The following CATSPERE variants were observed in gnomAD, a reference collection of about 807,000 sequenced individuals.
The protein encoded by CATSPERE is catsper channel auxiliary subunit epsilon.
In CATSPERE, 93 loss-of-function variants were observed where a neutral mutation model predicts 114.1. That is an observed-to-expected ratio of 0.81 (90% CI 0.69 to 0.97). The LOEUF (loss-of-function observed/expected upper bound fraction) is 0.97. Ranked by LOEUF, CATSPERE falls within the 50% of genes least tolerant of loss-of-function variation. CATSPERE has a pLI of 0.00. For synonymous variants in CATSPERE, 341 were observed against 384.1 expected (o/e 0.89, Z 1.31); for missense variants, 1,058 against 1,131.6 (o/e 0.93, Z 0.93).
chr1:244,451,985 C>G (rs1377404325), upstream of CATSPERE: 1 of 632,646 alleles, frequency 1.6e-6, no homozygotes. The surrounding 1 kb of genome is among the most constrained non-coding windows in gnomAD (Gnocchi z 6.6). Context: ...GCCCCGCTCT[C>G]CGCCACAGCC....
At chr1:244,561,687 A>T (rs1317264680) in intron 10 of CATSPERE, among the ~76,000 whole-genome samples, 1 of 147,084 alleles carries the variant, frequency 6.8e-6, no homozygotes, top group Non-Finnish European at 1.5e-5. Context: ...AGTTAGAATC[A>T]TACATTGGGG....
At chr1:244,519,763 T>G (rs1411216302) in intron 8 of CATSPERE, among the ~76,000 whole-genome samples, 1 of 152,174 alleles carries the variant, frequency 6.6e-6, no homozygotes, top group Non-Finnish European at 1.5e-5. Context: ...CAAACTATTG[T>G]AAAATAAAAA....
intron 20 of CATSPERE, among the ~76,000 whole-genome samples, chr1:244,635,068 C>G (rs1674454441): frequency 6.6e-6 from 1 of 152,242 alleles, no homozygotes; most frequent in Admixed American, 6.5e-5. Flanking sequence ...CAGTCTCAAA[C>G]TCCTGACCTC....
chr1:244,472,158 A>G (rs1668580352), intron 2 of CATSPERE, among the ~76,000 whole-genome samples: 1 of 152,116 alleles, frequency 6.6e-6, no homozygotes, highest in Non-Finnish European at 1.5e-5. Context: ...ACAAGGTCTT[A>G]CTATGTTGCC....
chr1:244,551,968 G>T (rs777174404), intron 8 of CATSPERE, among the ~76,000 whole-genome samples: 19 of 144,934 alleles, frequency 1.3e-4, no homozygotes, highest in African/African-American at 2.5e-4. Flanking sequence ...GGAGGTTGAG[G>T]CAGGAGAATG....
Position 244,504,566 on chromosome 1 carries a change from T to C in CATSPERE, c.429+5487T>C, listed in dbSNP as rs1240186202. Among the ~76,000 whole-genome samples, 1 of 152,248 alleles carries C rather than the reference T, an allele frequency of 6.6e-6. No individual in the cohort carries two copies. The highest frequency in any genetic ancestry group is 1.5e-5 in the Non-Finnish European group (1 of 68,044). On this transcript the variant is annotated intron_variant, in intron 7 of 21. Coordinates refer to ENST00000366534, the MANE Select transcript of CATSPERE (RefSeq NM_001130957.2). This position sits in a 1 kb window ranked among gnomAD's most constrained non-coding sequence, Gnocchi z 4.1. ...TAGTTGTCTTGTCTCTTTACGTTCT[T>C]AATTGTGACAGTTTCTAGACTTTCA...
intron 20 of CATSPERE, among the ~76,000 whole-genome samples, chr1:244,627,251 C>T (rs562489529): frequency 6.6e-6 from 1 of 152,134 alleles, no homozygotes; most frequent in South Asian, 2.1e-4. Flanking sequence ...CACCAGGACA[C>T]TTTCAATAGT....
chr1:244,536,821 T>C (rs1279087364), intron 8 of CATSPERE, among the ~76,000 whole-genome samples: 1 of 152,242 alleles, frequency 6.6e-6, no homozygotes, highest in Non-Finnish European at 1.5e-5. Flanking sequence ...TGGTGGAGGC[T>C]TCTATTCACT....
intron 8 of CATSPERE, among the ~76,000 whole-genome samples, chr1:244,534,741 T>C (rs1680119803): frequency 6.6e-6 from 1 of 152,228 alleles, no homozygotes; most frequent in African/African-American, 2.4e-5. Context: ...AGACCACATA[T>C]CTCTTTCTCT....
intron 17 of CATSPERE, among the ~76,000 whole-genome samples, chr1:244,604,690 A>AG (rs1285649685): frequency 1.3e-5 from 2 of 152,244 alleles, no homozygotes; most frequent in Non-Finnish European, 2.9e-5. Context: ...TCATTCAGAA[A>AG]TATGGGAGTA....
chr1:244,570,136 A>G (rs543030079), intron 10 of CATSPERE, among the ~76,000 whole-genome samples: 1 of 152,232 alleles, frequency 6.6e-6, no homozygotes, highest in South Asian at 2.1e-4. Context: ...TAATTGATCT[A>G]TTCTAATATT....
At chr1:244,594,862 C>T (rs1668184199) in intron 17 of CATSPERE, among the ~76,000 whole-genome samples, 1 of 152,144 alleles carries the variant, frequency 6.6e-6, no homozygotes, top group South Asian at 2.1e-4. Flanking sequence ...ACCATGTGCC[C>T]TTTCCATCTT....
chr1:244,594,737 T>C (rs1170104693), intron 17 of CATSPERE, among the ~76,000 whole-genome samples: 1 of 152,168 alleles, frequency 6.6e-6, no homozygotes, highest in African/African-American at 2.4e-5. Context: ...ATAGAAGTAA[T>C]GAATCAGACG....
At chr1:244,513,027 A>T (rs1261779662) in intron 7 of CATSPERE, among the ~76,000 whole-genome samples, 1 of 152,210 alleles carries the variant, frequency 6.6e-6, no homozygotes, top group African/African-American at 2.4e-5. Flanking sequence ...GGGCACTAGT[A>T]GTAGCAGGTC....
chr1:244,528,774 A>G, intron 8 of CATSPERE, among the ~76,000 whole-genome samples: 1 of 135,460 alleles, frequency 7.4e-6, no homozygotes, highest in African/African-American at 3.2e-5. Context: ...CTCCCCCACA[A>G]CAATCCCCCA....
chr1:244,627,201 T>G (rs954405871), intron 20 of CATSPERE, among the ~76,000 whole-genome samples: 2 of 152,108 alleles, frequency 1.3e-5, no homozygotes, highest in African/African-American at 2.4e-5. Context: ...TACGTAACAT[T>G]GATTAAGTCC....
In CATSPERE at chr1:244,560,965, G is replaced by T; in HGVS notation, c.1327G>T (p.Asp443Tyr). ...SQDFTLDAPI[D>Y]SVTMPHFTFS... is the part of the protein sequence containing the mutation. ...AGACTTTACATTAGATGCCCCTATTGACAGTGTTACCATGCCACATTTTAC... is the reference window on the plus strand; with the variant it reads ...AGACTTTACATTAGATGCCCCTATTTACAGTGTTACCATGCCACATTTTAC... Residue 443 changes from aspartate (D) to tyrosine (Y), a missense_variant, in exon 10 of 22, where the codon GAC becomes TAC. Transcript: ENST00000366534. 1 of 1,614,066 alleles carries T rather than the reference G, an allele frequency of 6.2e-7. No homozygotes were observed. Among genetic ancestry groups the T allele is most frequent in the Non-Finnish European group, 8.5e-7 (1 of 1,179,974 alleles).
At position 244,504,920 on chromosome 1, in the gene CATSPERE, A is replaced by G. The variant is rs1259859875; in HGVS notation, c.429+5841A>G. Among the ~76,000 whole-genome samples, 2 of 152,214 alleles carry G rather than the reference A, an allele frequency of 1.3e-5. No homozygotes were observed. Among genetic ancestry groups the G allele is most frequent in the Non-Finnish European group, 2.9e-5 (2 of 68,036 alleles). ...CAGTTATACTTTACCTTCTTAAGGA[A>G]AGGAGTATCTACATAAATATTTTTG... On this transcript the variant is annotated intron_variant, in intron 7 of 21. Coordinates refer to ENST00000366534, the MANE Select transcript of CATSPERE (RefSeq NM_001130957.2). The surrounding 1 kb of genome is among the most constrained non-coding windows in gnomAD (Gnocchi z 4.1).
chr1:244,501,874 C>G (rs983754403), intron 7 of CATSPERE, among the ~76,000 whole-genome samples: 2 of 152,214 alleles, frequency 1.3e-5, no homozygotes, highest in Non-Finnish European at 2.9e-5. Flanking sequence ...TCTTCTCTGG[C>G]CTCAGCTCTC....
Sources: gnomAD v4.1 joint callset for allele counts (sites outside exome capture counted in the v4.1 genomes callset) on GRCh38, gnomAD v4.1.1 for gene constraint, Gnocchi (gnomAD v3.1) non-coding constraint, MANE v1.5 for transcripts, NCBI Gene and HGNC (gene_info 2026-07-23, HGNC 2026-07-21) for gene names.